The following TRPC7 variants were observed in gnomAD, a reference collection of about 807,000 sequenced individuals.
TRPC7 encodes transient receptor potential cation channel subfamily C member 7.
A neutral mutation model predicts 90.1 loss-of-function variants in TRPC7; 42 were observed. The ratio of observed to expected loss-of-function variants is 0.47; its 90% CI spans 0.36 to 0.60. The LOEUF is 0.60. Ranked by LOEUF, TRPC7 falls within the 20% of genes least tolerant of loss-of-function variation. The pLI is 0.00. For missense variants in TRPC7, 955 were observed against 1,112.3 expected, an observed-to-expected ratio of 0.86 and a Z score of 2.01; for synonymous variants, 451 against 436.3, an observed-to-expected ratio of 1.03 and a Z score of -0.42.
chr5:136,226,288 A>C, intron 8 of TRPC7, 33 bp from the exon 9 acceptor site: 18 of 1,499,204 alleles, frequency 1.2e-5, no homozygotes, highest in Non-Finnish European at 1.6e-5. Flanking sequence ...ACACACCCTC[A>C]AAGGCCACGA....
chr5:136,293,646 C>G (rs982062720), intron 3 of TRPC7, among the ~76,000 whole-genome samples: 1 of 152,150 alleles, frequency 6.6e-6, no homozygotes, highest in African/African-American at 2.4e-5. Flanking sequence ...AAAGAGGATA[C>G]AAGCAAATGG....
rs1397312641 is a variant in TRPC7, at chr5:136,357,075, G to A, written c.313C>T (p.Arg105Trp). 1.9e-6 allele frequency: 3 copies of A among 1,613,884 alleles called. No individual in the cohort carries two copies. Among genetic ancestry groups the A allele is most frequent in the East Asian group, 4.5e-5 (2 of 44,870 alleles). Reference protein sequence around the residue: ...ELLLKKENLARVGDALLLAIS... With the variant: ...ELLLKKENLAWVGDALLLAIS... ...GCCAGCAGCAGCGCGTCCCCCACCCGTGCCAGGTTCTCCTTCTTCAGCAGC... is the reference window on the plus strand; with the variant it reads ...GCCAGCAGCAGCGCGTCCCCCACCCATGCCAGGTTCTCCTTCTTCAGCAGC... Residue 105 changes from arginine (R) to tryptophan (W), a missense_variant, in exon 2 of 12, where the codon CGG becomes TGG. Around this residue, in one of 4 missense-constraint regions of TRPC7, gnomAD observed 161 missense variants for 145.7 expected, o/e 1.10. Transcript: ENST00000513104.
intron 1 of TRPC7, among the ~76,000 whole-genome samples, chr5:136,362,115 T>G (rs191311139): frequency 5.3e-4 from 80 of 152,302 alleles, no homozygotes; most frequent in Non-Finnish European, 1.0e-3. Flanking sequence ...GACTATACAA[T>G]AGTTATATTT....
At chr5:136,291,697 A>G (rs935705744) in intron 3 of TRPC7, among the ~76,000 whole-genome samples, 1 of 152,204 alleles carries the variant, frequency 6.6e-6, no homozygotes, top group Non-Finnish European at 1.5e-5. Context: ...ACAATGGGAG[A>G]CTTTAACACC....
intron 7 of TRPC7, among the ~76,000 whole-genome samples, chr5:136,238,223 C>T (rs1264958013): frequency 6.6e-6 from 1 of 152,234 alleles, no homozygotes; most frequent in East Asian, 1.9e-4. Flanking sequence ...TCTTACTTCC[C>T]TAGCTCCGAG....
chr5:136,290,324 TC>T (rs1303992560), intron 3 of TRPC7, among the ~76,000 whole-genome samples: 2 of 152,086 alleles, frequency 1.3e-5, no homozygotes, highest in Admixed American at 1.3e-4. Flanking sequence ...GAAGAAGGCT[TC>T]AGAAGATCAA....
intron 11 of TRPC7, among the ~76,000 whole-genome samples, chr5:136,215,797 T>C (rs1019544584): frequency 1.1e-4 from 14 of 132,652 alleles, no homozygotes; most frequent in Admixed American, 4.9e-4. Context: ...CACTCCAGCC[T>C]GGGCAACAGA....
At chr5:136,359,572 A>C (rs796282678) in intron 1 of TRPC7, among the ~76,000 whole-genome samples, 4 of 152,308 alleles carry the variant, frequency 2.6e-5, no homozygotes, top group African/African-American at 9.6e-5. Flanking sequence ...AATGGTACCA[A>C]AGGCAGACTG....
At chr5:136,351,998 C>T (rs1248073197) in intron 2 of TRPC7, among the ~76,000 whole-genome samples, 1 of 152,156 alleles carries the variant, frequency 6.6e-6, no homozygotes, top group Admixed American at 6.5e-5. Context: ...GATAAATTGC[C>T]TGTGACTGAA....
At chr5:136,225,565 T>TGGTTTCCAACC (rs1755600003) in intron 9 of TRPC7, among the ~76,000 whole-genome samples, 1 of 149,980 alleles carries the variant, frequency 6.7e-6, no homozygotes, top group African/African-American at 2.5e-5. Context: ...ACAGAATATT[T>TGGTTTCCAACC]AGTCAACTTG....
intron 3 of TRPC7, among the ~76,000 whole-genome samples, chr5:136,305,171 A>G (rs1481172831): frequency 2.0e-5 from 3 of 152,140 alleles, no homozygotes; most frequent in Non-Finnish European, 4.4e-5. Context: ...CTGGCTTCCC[A>G]TATTATTCCT....
At chr5:136,295,204 G>T (rs1758122528) in intron 3 of TRPC7, among the ~76,000 whole-genome samples, 2 of 151,898 alleles carry the variant, frequency 1.3e-5, no homozygotes, top group South Asian at 2.1e-4. Context: ...CGAGTTAATG[G>T]GTGCAGCACA....
chr5:136,264,901 T>C (rs368580407), intron 5 of TRPC7, among the ~76,000 whole-genome samples: 2 of 152,234 alleles, frequency 1.3e-5, no homozygotes, highest in East Asian at 3.9e-4. Flanking sequence ...GGGTTGCTGG[T>C]TTTATAAAGT....
chr5:136,311,099 C>T (rs1481384546), intron 3 of TRPC7, among the ~76,000 whole-genome samples: 1 of 152,106 alleles, frequency 6.6e-6, no homozygotes, highest in East Asian at 1.9e-4. Context: ...AGAGTTAAGG[C>T]CTCTCTCATG....
chr5:136,273,083 A>C (rs1037215476), intron 4 of TRPC7, among the ~76,000 whole-genome samples: 2 of 152,216 alleles, frequency 1.3e-5, no homozygotes, highest in Non-Finnish European at 2.9e-5. Flanking sequence ...TTAGCTTTGC[A>C]GCAAAAGTGA....
In TRPC7 at chr5:136,365,422, T is replaced by G; in HGVS notation, c.-168A>C. The G allele has an allele frequency of 1.5e-6, 1 of 682,410 alleles. No individual in the cohort carries two copies. Among genetic ancestry groups the G allele is most frequent in the East Asian group, 2.7e-5 (1 of 36,830 alleles). The allele number at this position is 682,410 out of a possible 1,614,324, so 42.3% of individuals were successfully genotyped here. On this transcript the variant is annotated 5_prime_UTR_variant, in exon 1 of 12. Coordinates refer to ENST00000513104, the MANE Select transcript of TRPC7 (RefSeq NM_020389.3). ...AAGTTGCAACGATGTGAAAGCGCGCTCCTCTGTTCTTTGTGTTGCAGTGGT... is the reference window on the plus strand; with the variant it reads ...AAGTTGCAACGATGTGAAAGCGCGCGCCTCTGTTCTTTGTGTTGCAGTGGT...
Position 136,354,211 on chromosome 5 carries a change from C to T in TRPC7, c.780+2397G>A, listed in dbSNP as rs3777158. On this transcript the variant is annotated intron_variant, in intron 2 of 11. Transcript: ENST00000513104. ...AACAAGCAAAGTTCAACCAATTCTC[C>T]TCAGCACATCCTTGACCTTAATGTT... Among the ~76,000 whole-genome samples the T allele has an allele frequency of 2.2e-3, 332 of 152,280 alleles. 2 individuals carry two copies. The East Asian group carries it at 0.023, about 11-fold the overall frequency.
intron 4 of TRPC7, among the ~76,000 whole-genome samples, chr5:136,266,642 A>G (rs1757042657): frequency 6.6e-6 from 1 of 152,202 alleles, no homozygotes; most frequent in Admixed American, 6.5e-5. Context: ...TTTCCTATTT[A>G]GAAGACTTAG....
At chr5:136,324,352 G>C (rs576585601) in intron 2 of TRPC7, among the ~76,000 whole-genome samples, 2 of 152,184 alleles carry the variant, frequency 1.3e-5, no homozygotes, top group East Asian at 3.9e-4. Flanking sequence ...TTCTTTCTAG[G>C]AACAAAATTT....
Sources: allele counts gnomAD v4.1 joint callset (sites outside exome capture counted in the v4.1 genomes callset), GRCh38; gene constraint gnomAD v4.1.1; regional missense constraint gnomAD v4.1.1; transcripts MANE v1.5; gene names NCBI Gene and HGNC (gene_info 2026-07-23, HGNC 2026-07-21).